ADH5: variants seen among roughly 807,000 people sequenced by gnomAD.
ADH5 encodes alcohol dehydrogenase class-3.
A neutral mutation model predicts 40.3 loss-of-function variants in ADH5; 32 were observed. The observed-to-expected ratio is 0.79, with a 90% CI of 0.60 to 1.07. The LOEUF (loss-of-function observed/expected upper bound fraction) is 1.07, where lower values mean the gene tolerates loss of function less well. Ranked by LOEUF, ADH5 falls within the 50% of genes least tolerant of loss-of-function variation. The pLI, the probability that ADH5 is intolerant of heterozygous loss-of-function variation, is 0.00. For missense variants in ADH5, 353 were observed against 460.5 expected, an observed-to-expected ratio of 0.77 and a Z score of 2.14; for synonymous variants, 125 against 154.3, an observed-to-expected ratio of 0.81 and a Z score of 1.41.
Position 99,076,548 on chromosome 4 carries a change from T to C in ADH5, c.569A>G (p.Glu190Gly). The C allele has an allele frequency of 2.5e-6, 4 of 1,613,080 alleles. No homozygotes were observed. The highest frequency in any genetic ancestry group is 2.5e-6 in the Non-Finnish European group (3 of 1,179,544). Residue 190 changes from glutamate to glycine, a missense_variant, in exon 6 of 9, where the codon GAG becomes GGG. Physicochemically the swap from Glu to Gly is moderately conservative, Grantham distance 98. Coordinates refer to ENST00000296412, the MANE Select transcript of ADH5 (RefSeq NM_000671.4). ...YGAAVNTAKLEPGSVCAVFGL... is the reference protein window; with the variant it reads ...YGAAVNTAKLGPGSVCAVFGL... ...AAAGACGGCACAAACAGAGCCAGGC[T>C]CCAACTAGGAGTAAAGAAAGTTTAT... is the stretch of plus-strand genomic sequence containing the variant.
At chr4:99,077,207 G>A (rs539544619) in intron 4 of ADH5, among the ~76,000 whole-genome samples, 3 of 152,086 alleles carry the variant, frequency 2.0e-5, no homozygotes, top group Non-Finnish European at 4.4e-5. Flanking sequence ...TGGATCAGAT[G>A]GAATTATTTT....
intron 2 of ADH5, among the ~76,000 whole-genome samples, chr4:99,083,981 C>G (rs1025897120): frequency 2.6e-5 from 4 of 152,098 alleles, no homozygotes; most frequent in Non-Finnish European, 5.9e-5. Flanking sequence ...TAATGAATTC[C>G]CTGAACCCTA....
chr4:99,071,924 C>A lies in ADH5; in HGVS notation c.*493G>T, dbSNP rs13832. 106,314 of 155,122 alleles carry A rather than the reference C, an allele frequency of 0.69. 36,811 individuals carry two copies. The highest frequency in any genetic ancestry group is 1 in the East Asian group (5,249 of 5,268). 9.6% of individuals were successfully genotyped at this position (155,122 alleles called of 1,614,324 possible). A position where few individuals can be genotyped will look rare whatever the true frequency, so the allele number is the denominator to read the frequency against. ...ATGAACAAGGCACAGTACCTCCCTT[C>A]AAGATAATATCACAGAAGCAGACTT... On this transcript the variant is annotated 3_prime_UTR_variant, in exon 9 of 9. Transcript: ENST00000296412.
In ADH5 at chr4:99,088,730, T is replaced by TGACATCCGGGGTGGGCC. The variant is rs777817524; in HGVS notation, c.-47_-31dup. 9 of 1,543,110 alleles carry TGACATCCGGGGTGGGCC rather than the reference T, an allele frequency of 5.8e-6. No homozygotes were observed. The highest frequency in any genetic ancestry group is 3.4e-5 in the South Asian group (3 of 87,276). On this transcript the variant is annotated 5_prime_UTR_variant, in exon 1 of 9. It adds an upstream start codon to the 5' untranslated region. Coordinates refer to ENST00000296412, the MANE Select transcript of ADH5 (RefSeq NM_000671.4). ...ACGGATTCTGGTCGGCGCGGGGGGCTGACATCCGGGGTGGGCCGCGCAGCG... is the reference window on the plus strand; with the variant it reads ...ACGGATTCTGGTCGGCGCGGGGGGCTGACATCCGGGGTGGGCCGACATCCGGGGTGGGCCGCGCAGCG...
At chr4:99,087,406 G>C (rs1728167139) in intron 1 of ADH5, among the ~76,000 whole-genome samples, 1 of 101,718 alleles carries the variant, frequency 9.8e-6, no homozygotes, top group Non-Finnish European at 2.0e-5. Context: ...AGGGGGGGGG[G>C]AGGGAAATGG....
Position 99,076,888 on chromosome 4 carries a change from G to T in ADH5, c.380C>A (p.Thr127Asn). 6.2e-7 allele frequency: 1 copy of T among 1,613,548 alleles called. No individual in the cohort carries two copies. Among genetic ancestry groups the T allele is most frequent in the East Asian group, 2.2e-5 (1 of 44,882 alleles). The change falls in exon 5 of 9, where the codon ACC (threonine) becomes AAC (asparagine). Residue 127 changes from threonine (T) to asparagine (N), a missense_variant. Thr to Asn is a moderately conservative substitution (Grantham distance 65, BLOSUM62 0). Coordinates refer to ENST00000296412, the MANE Select transcript of ADH5 (RefSeq NM_000671.4). ...TQGKGLMPDG[T>N]SRFTCKGKTI... ...CTTTCCTTTGCAAGTAAATCTGCTG[G>T]TACCATCTGGCATTAATCCTTTCCC...
chr4:99,085,409 A>G (rs1728115665), intron 1 of ADH5, 193 bp from the exon 2 acceptor site: 1 of 421,988 alleles, frequency 2.4e-6, no homozygotes, highest in African/African-American at 2.0e-5. Flanking sequence ...AATTGAGATG[A>G]TTACCTGGTC....
chr4:99,084,309 A>C (rs1402864827), intron 2 of ADH5, among the ~76,000 whole-genome samples: 1 of 152,206 alleles, frequency 6.6e-6, no homozygotes, highest in Non-Finnish European at 1.5e-5. Context: ...GGGGTAAAGA[A>C]GCCAGCAAAA....
rs779712598 is a variant in ADH5, at chr4:99,076,458, A to G, written c.659T>C (p.Ile220Thr). The stretch of plus-strand genomic sequence containing the variant: ...TTTATCTTTATTGATGTCCACACCA[A>G]TGATCCGGGAAGCACCAGCCACTTT... ...GCKVAGASRI[I>T]GVDINKDKFA... Residue 220 changes from isoleucine (I) to threonine (T), a missense_variant, in exon 6 of 9, where the codon ATT becomes ACT. By Grantham distance (89) the Ile-to-Thr change is moderately conservative. Transcript: ENST00000296412. 12 of 1,614,144 alleles carry G rather than the reference A, an allele frequency of 7.4e-6. No homozygotes were observed. Among genetic ancestry groups the G allele is most frequent in the Middle Eastern group, 1.6e-4 (1 of 6,062 alleles).
chr4:99,085,469 A>C, intron 1 of ADH5: 2 of 345,810 alleles, frequency 5.8e-6, no homozygotes, highest in Non-Finnish European at 5.3e-6. Context: ...CAAATATTTA[A>C]TGGCCTTCTA....
intron 1 of ADH5, chr4:99,085,489 T>G (rs1219485395): frequency 2.9e-6 from 1 of 343,536 alleles, no homozygotes; most frequent in East Asian, 5.1e-5. Context: ...ACAGTGCATA[T>G]GCAAAAGCAG....
intron 4 of ADH5, among the ~76,000 whole-genome samples, chr4:99,077,571 G>A (rs1727953187): frequency 6.6e-6 from 1 of 152,154 alleles, no homozygotes; most frequent in African/African-American, 2.4e-5. Context: ...CAGTATCTAT[G>A]CAAGTAGAGA....
At chr4:99,077,907 T>G (rs1727958616) in intron 4 of ADH5, among the ~76,000 whole-genome samples, 2 of 152,216 alleles carry the variant, frequency 1.3e-5, no homozygotes, top group African/African-American at 2.4e-5. Context: ...GCAAGTTAAT[T>G]AATCTTTATG....
At position 99,088,667 on chromosome 4, in the gene ADH5, C is replaced by T. The variant is rs1728199856; in HGVS notation, c.12+22G>A. The T allele has an allele frequency of 3.1e-6, 5 of 1,606,488 alleles. No homozygotes were observed. The East Asian group carries it at 6.7e-5, about 22-fold the overall frequency. ...TGCACTCCCTCCCTTGGACTCAGGGCCCTCCGCTCAACGGGCCCTACCTCG... is the reference window on the plus strand; with the variant it reads ...TGCACTCCCTCCCTTGGACTCAGGGTCCTCCGCTCAACGGGCCCTACCTCG... On this transcript the variant is annotated intron_variant, in intron 1 of 8. Coordinates refer to ENST00000296412, the MANE Select transcript of ADH5 (RefSeq NM_000671.4).
In ADH5 at chr4:99,088,694, T is replaced by TCGC; in HGVS notation, c.4_6dup (p.Ala2dup). ...CTCCGCTCAACGGGCCCTACCTCGT[T>TCGC]CGCCATGTTCACGGATTCTGGTCGG... On this transcript the variant is annotated inframe_insertion, in exon 1 of 9. Coordinates refer to ENST00000296412, the MANE Select transcript of ADH5 (RefSeq NM_000671.4). 2 of 1,605,574 alleles carry TCGC rather than the reference T, an allele frequency of 1.2e-6. No individual in the cohort carries two copies. The highest frequency in any genetic ancestry group is 1.7e-6 in the Non-Finnish European group (2 of 1,175,270).
intron 6 of ADH5, 94 bp downstream of exon 6, chr4:99,076,198 T>C (rs574332732): frequency 1.4e-4 from 196 of 1,378,922 alleles, no homozygotes; most frequent in Non-Finnish European, 1.7e-4. Flanking sequence ...ATTAAGAGAC[T>C]TTTCCTTTGC....
chr4:99,081,898 T>C (rs1728031890), intron 3 of ADH5, 77 bp downstream of exon 3: 2 of 1,455,942 alleles, frequency 1.4e-6, no homozygotes, highest in Non-Finnish European at 1.9e-6. Context: ...AAATAGTGGG[T>C]AGTTTTATCA....
intron 1 of ADH5, 44 bp from the exon 2 acceptor site, chr4:99,085,260 C>T (rs1285421910): frequency 1.0e-6 from 1 of 975,566 alleles, no homozygotes; most frequent in African/African-American, 1.7e-5. Context: ...TCCTCCTAAA[C>T]AAGTAACTAC....
At chr4:99,079,085 T>C (rs545025362) in intron 4 of ADH5, among the ~76,000 whole-genome samples, 1 of 152,330 alleles carries the variant, frequency 6.6e-6, no homozygotes, top group Non-Finnish European at 1.5e-5. Context: ...AAGTGTAAAC[T>C]GGTACAAGTA....
Sources: allele counts gnomAD v4.1 joint callset (sites outside exome capture counted in the v4.1 genomes callset), GRCh38; gene constraint gnomAD v4.1.1; transcripts MANE v1.5; gene names NCBI Gene and HGNC (gene_info 2026-07-23, HGNC 2026-07-21).